KIRREL3: variants seen among roughly 807,000 people sequenced by gnomAD.
The protein encoded by KIRREL3 is kin of IRRE-like protein 3.
In KIRREL3, 36 loss-of-function variants were observed where a neutral mutation model predicts 89.7. That is an observed-to-expected ratio of 0.40 (90% CI 0.31 to 0.53). The LOEUF (loss-of-function observed/expected upper bound fraction) is 0.53, where lower values mean the gene tolerates loss of function less well. KIRREL3 is among the 20% of genes least tolerant of loss of function. KIRREL3 has a pLI of 0.49. For missense variants in KIRREL3, 864 were observed against 1,056.6 expected, an observed-to-expected ratio of 0.82 and a Z score of 2.53; for synonymous variants, 445 against 441.4, an observed-to-expected ratio of 1.01 and a Z score of -0.10.
At chr11:126,502,745 G>A (rs756786462) in intron 4 of KIRREL3, among the ~76,000 whole-genome samples, 5 of 152,194 alleles carry the variant, frequency 3.3e-5, no homozygotes, top group African/African-American at 7.2e-5. Context: ...CTGGCTCTCC[G>A]ATTTGCATCT....
In KIRREL3 at chr11:126,623,627, C is replaced by A. The variant is rs539578588; in HGVS notation, c.56-60715G>T. Among the ~76,000 whole-genome samples the A allele has an allele frequency of 4.1e-4, 63 of 151,924 alleles. No homozygotes were observed. Among genetic ancestry groups the A allele is most frequent in the Non-Finnish European group, 8.5e-4 (58 of 67,986 alleles). The stretch of plus-strand genomic sequence containing the variant: ...AACAGCTGATGGGCCAGCAAGGATG[C>A]GGGGAGGATACCTGTGGTCAGGACC... On this transcript the variant is annotated intron_variant, in intron 1 of 16. Coordinates refer to ENST00000525144, the MANE Select transcript of KIRREL3 (RefSeq NM_032531.4). The surrounding 1 kb of genome is among the most constrained non-coding windows in gnomAD (Gnocchi z 4.1).
At chr11:126,619,198 T>C (rs756643789) in intron 1 of KIRREL3, among the ~76,000 whole-genome samples, 1 of 152,226 alleles carries the variant, frequency 6.6e-6, no homozygotes, top group Non-Finnish European at 1.5e-5. Context: ...ATGACAAGGA[T>C]ATGCCTTCCA....
At chr11:126,680,397 G>GATATATATATATATATATAT (rs150251599) in intron 1 of KIRREL3, among the ~76,000 whole-genome samples, 3 of 144,172 alleles carry the variant, frequency 2.1e-5, no homozygotes, top group African/African-American at 8.0e-5. Context: ...TTCTACTGGA[G>GATATATATATATATATATAT]ATATATATAT....
chr11:126,512,984 G>C (rs562531087), intron 4 of KIRREL3, among the ~76,000 whole-genome samples: 2 of 152,292 alleles, frequency 1.3e-5, no homozygotes, highest in South Asian at 4.1e-4. Context: ...TGGCAGGACT[G>C]GGGCAGGAGT....
rs370227554 is a variant in KIRREL3 at position 126,478,632 on chromosome 11, CGTGT to C, written c.434-5170_434-5167del. 1.5e-3 allele frequency among the ~76,000 whole-genome samples: 220 copies of C among 147,604 alleles called. 4 individuals are homozygous for C. The highest frequency in any genetic ancestry group is 0.011 in the South Asian group (51 of 4,672). The stretch of plus-strand genomic sequence containing the variant: ...ATGTATATGTGTGTATGTGTGTATG[CGTGT>C]GTATGTGTGTATGTATGTGTATATG... On this transcript the variant is annotated intron_variant, in intron 4 of 16. Coordinates refer to ENST00000525144, the MANE Select transcript of KIRREL3 (RefSeq NM_032531.4).
intron 1 of KIRREL3, among the ~76,000 whole-genome samples, chr11:126,720,886 G>C (rs1195095749): frequency 6.6e-6 from 1 of 152,172 alleles, no homozygotes; most frequent in African/African-American, 2.4e-5. Flanking sequence ...AAAGGGCAGA[G>C]AGCAGGAAGA....
chr11:126,590,951 G>A (rs989166922), intron 1 of KIRREL3, among the ~76,000 whole-genome samples: 7 of 152,194 alleles, frequency 4.6e-5, no homozygotes, highest in African/African-American at 1.7e-4. Flanking sequence ...GGCTGGGTGC[G>A]GTGGCTCACA....
chr11:126,727,903 G>T (rs1948455264), intron 1 of KIRREL3, among the ~76,000 whole-genome samples: 1 of 151,936 alleles, frequency 6.6e-6, no homozygotes, highest in South Asian at 2.1e-4. Flanking sequence ...CAGAAGCCCT[G>T]GGTCCCCAGA....
intron 1 of KIRREL3, among the ~76,000 whole-genome samples, chr11:126,933,650 G>T (rs185632342): frequency 6.6e-6 from 1 of 151,208 alleles, no homozygotes; most frequent in African/African-American, 2.4e-5. Context: ...CTACACACAA[G>T]AAATCATCCA....
chr11:126,518,410 C>T (rs1205273353), intron 4 of KIRREL3, among the ~76,000 whole-genome samples: 2 of 152,256 alleles, frequency 1.3e-5, no homozygotes, highest in Non-Finnish European at 2.9e-5. Context: ...CCCCGGGGGC[C>T]TCCCTCTGTT....
chr11:126,488,088 G>C (rs962007481), intron 4 of KIRREL3, among the ~76,000 whole-genome samples: 9 of 152,372 alleles, frequency 5.9e-5, no homozygotes, highest in South Asian at 2.1e-4. Context: ...CCCTTATTCA[G>C]AATAAGAAGA....
rs118047092 is a variant in KIRREL3, at chr11:126,809,056, C to T, written c.55+191399G>A. On this transcript the variant is annotated intron_variant, in intron 1 of 16. Transcript: ENST00000525144. ...AAGGAGCCAGCCCTTGTGTACAGGC[C>T]TCTAATAATAAACCCGCAAGCATGG... Among the ~76,000 whole-genome samples the T allele has an allele frequency of 4.4e-4, 67 of 152,230 alleles. No individual in the cohort carries two copies. In the East Asian group the frequency reaches 0.013, roughly 29 times the overall value.
At chr11:126,828,971 T>G (rs1943511999) in intron 1 of KIRREL3, among the ~76,000 whole-genome samples, 1 of 152,198 alleles carries the variant, frequency 6.6e-6, no homozygotes. Context: ...AGGCCACTGC[T>G]GTGATTCCTC....
chr11:126,936,245 A>G (rs1405241166), intron 1 of KIRREL3: 1 of 152,240 alleles, frequency 6.6e-6, no homozygotes, highest in East Asian at 1.9e-4. Flanking sequence ...GAAATAACAG[A>G]TGTTGGTAAG....
Position 126,997,616 on chromosome 11 carries a change from G to T in KIRREL3, c.55+2839C>A, listed in dbSNP as rs549980824. ...TTTCTGTTCTCTGTCTCTCTAAAAG[G>T]TTATAAGAAAAAGTAAAGGTAAACA... On this transcript the variant is annotated intron_variant, in intron 1 of 16. Transcript: ENST00000525144. The surrounding 1 kb of genome is among the most constrained non-coding windows in gnomAD (Gnocchi z 4.3). Among the ~76,000 whole-genome samples, 1 of 152,190 alleles carries T rather than the reference G, an allele frequency of 6.6e-6. No individual in the cohort carries two copies. The highest frequency in any genetic ancestry group is 1.9e-4 in the East Asian group (1 of 5,184).
chr11:126,725,348 A>AC (rs5795517), intron 1 of KIRREL3, among the ~76,000 whole-genome samples: 133,137 of 152,228 alleles, frequency 0.87, 58,388 homozygotes, highest in East Asian at 0.99. Flanking sequence ...TCAAAGCAAA[A>AC]AAAAGGGTTC....
intron 1 of KIRREL3, among the ~76,000 whole-genome samples, chr11:126,863,462 CGTGT>C (rs72096305): frequency 2.3e-4 from 31 of 132,494 alleles, no homozygotes; most frequent in African/African-American, 5.3e-4. Flanking sequence ...TGTTTGAGTG[CGTGT>C]GTGTGTGAGT....
At chr11:126,933,485 G>T (rs1208980768) in intron 1 of KIRREL3, among the ~76,000 whole-genome samples, 2 of 149,898 alleles carry the variant, frequency 1.3e-5, no homozygotes, top group Admixed American at 1.3e-4. Context: ...CAGATGCTTG[G>T]CAACTAGATT....
Position 126,459,475 on chromosome 11 carries a change from A to G in KIRREL3, c.743-3021T>C, listed in dbSNP as rs1956477512. ...ATATCTGCACCTCCACCCCAAGACC[A>G]GAGGTGCCCAAGCTTCTTTCTCCAC... On this transcript the variant is annotated intron_variant, in intron 6 of 16. Coordinates refer to ENST00000525144, the MANE Select transcript of KIRREL3 (RefSeq NM_032531.4). This position sits in a 1 kb window ranked among gnomAD's most constrained non-coding sequence, Gnocchi z 4.8. Among the ~76,000 whole-genome samples, 1 of 152,208 alleles carries G rather than the reference A, an allele frequency of 6.6e-6. No homozygotes were observed. The highest frequency in any genetic ancestry group is 2.1e-4 in the South Asian group (1 of 4,824).
Sources: gnomAD v4.1 joint callset for allele counts (sites outside exome capture counted in the v4.1 genomes callset) on GRCh38, gnomAD v4.1.1 for gene constraint, Gnocchi (gnomAD v3.1) non-coding constraint, MANE v1.5 for transcripts, NCBI Gene and HGNC (gene_info 2026-07-23, HGNC 2026-07-21) for gene names.